GHR: variants seen among roughly 807,000 people sequenced by gnomAD.
GHR encodes growth hormone receptor.
GHR carries 35 observed loss-of-function variants against 67.1 expected under a neutral mutation model. The observed-to-expected ratio is 0.52, with a 90% confidence interval of 0.40 to 0.69. GHR has a LOEUF of 0.69. Among genes scored for constraint, GHR ranks in the 30% least tolerant of loss-of-function variants. The pLI is 0.00. For missense variants in GHR, 792 were observed against 764.6 expected, an observed-to-expected ratio of 1.04 and a Z score of -0.42; for synonymous variants, 272 against 269.1, an observed-to-expected ratio of 1.01 and a Z score of -0.10.
intron 2 of GHR, among the ~76,000 whole-genome samples, chr5:42,589,264 C>T (rs918641942): frequency 1.1e-4 from 17 of 152,144 alleles, no homozygotes; most frequent in Non-Finnish European, 1.9e-4. Flanking sequence ...ATTTATTGTT[C>T]CGTTTATGCT....
rs143888809 is a variant in GHR at position 42,686,351 on chromosome 5, A to AGT, written c.137-2538_137-2537dup. Among the ~76,000 whole-genome samples, 3 of 46,408 alleles carry AGT rather than the reference A, an allele frequency of 6.5e-5. No individual in the cohort carries two copies. In the Admixed American group the frequency reaches 8.1e-4, roughly 13 times the overall value. 30.4% of individuals were successfully genotyped at this position (46,408 alleles called of 152,430 possible). A position where few individuals can be genotyped will look rare whatever the true frequency, so the allele number is the denominator to read the frequency against. ...GCTGTCTTTGTTACTGTAGCCTTGT[A>AGT]GTATGAAGTCAGAGACACAATAAAA... is the stretch of plus-strand genomic sequence containing the variant. On this transcript the variant is annotated intron_variant, in intron 3 of 9. Transcript: ENST00000230882.
In GHR at chr5:42,555,538, G is replaced by A. The variant is rs1454549549; in HGVS notation, c.-11-10326G>A. Among the ~76,000 whole-genome samples the A allele has an allele frequency of 1.1e-4, 16 of 152,264 alleles. No homozygotes were observed. The South Asian group carries it at 1.2e-3, about 12-fold the overall frequency. On this transcript the variant is annotated intron_variant, in intron 1 of 9. Transcript: ENST00000230882. ...GCCTTGGAAAGATCAAGCACAGTTC[G>A]AAACCCTACCCAGAATTATTCTGTC...
At chr5:42,628,086 A>T (rs546906024) in intron 2 of GHR, among the ~76,000 whole-genome samples, 1 of 152,222 alleles carries the variant, frequency 6.6e-6, no homozygotes, top group South Asian at 2.1e-4. Context: ...CTCAGCGTCC[A>T]GATGTTCCTC....
At chr5:42,596,918 C>A (rs1258510281) in intron 2 of GHR, among the ~76,000 whole-genome samples, 1 of 152,160 alleles carries the variant, frequency 6.6e-6, no homozygotes. Flanking sequence ...CTGCTAGTAA[C>A]CTGTTCTACT....
intron 1 of GHR, among the ~76,000 whole-genome samples, chr5:42,528,260 G>T (rs1747797483): frequency 6.6e-6 from 1 of 152,056 alleles, no homozygotes; most frequent in Non-Finnish European, 1.5e-5. Flanking sequence ...CTTATGGAAA[G>T]GATTTACCAT....
At chr5:42,465,918 G>A in intron 1 of GHR, 4 of 706,484 alleles carry the variant, frequency 5.7e-6, no homozygotes, top group Non-Finnish European at 1.0e-5. Context: ...CGTTCACAAG[G>A]TGGTCTCCTT....
intron 1 of GHR, among the ~76,000 whole-genome samples, chr5:42,437,111 G>A (rs1477448670): frequency 6.6e-6 from 1 of 152,180 alleles, no homozygotes; most frequent in Non-Finnish European, 1.5e-5. Flanking sequence ...AAGATATGAG[G>A]AGGCAATCAT....
chr5:42,436,805 C>T (rs948773986), intron 1 of GHR, among the ~76,000 whole-genome samples: 1 of 152,026 alleles, frequency 6.6e-6, no homozygotes, highest in Non-Finnish European at 1.5e-5. Flanking sequence ...TTTTGAGTGG[C>T]CCAACTGAAA....
At chr5:42,685,142 G>A (rs1757076639) in intron 3 of GHR, among the ~76,000 whole-genome samples, 1 of 152,006 alleles carries the variant, frequency 6.6e-6, no homozygotes, top group African/African-American at 2.4e-5. Context: ...CCCTCCCTGT[G>A]TATGTGTGTT....
intron 3 of GHR, among the ~76,000 whole-genome samples, chr5:42,655,291 A>G (rs1755200194): frequency 6.6e-6 from 1 of 152,112 alleles, no homozygotes; most frequent in Non-Finnish European, 1.5e-5. Flanking sequence ...TAACAGAGCA[A>G]TTATTTCAGG....
chr5:42,540,942 T>TG (rs1459272283), intron 1 of GHR, among the ~76,000 whole-genome samples: 1 of 113,718 alleles, frequency 8.8e-6, no homozygotes, highest in Non-Finnish European at 2.0e-5. Flanking sequence ...GTATTTTCCT[T>TG]GTTTTTTTTT....
intron 1 of GHR, among the ~76,000 whole-genome samples, chr5:42,437,058 T>C (rs1406810706): frequency 6.6e-6 from 1 of 152,218 alleles, no homozygotes; most frequent in Non-Finnish European, 1.5e-5. Context: ...ACAATCTATG[T>C]AAAACACAAA....
At chr5:42,581,353 G>A (rs2112557693) in intron 2 of GHR, among the ~76,000 whole-genome samples, 1 of 152,322 alleles carries the variant, frequency 6.6e-6, no homozygotes, top group East Asian at 1.9e-4. Context: ...GGTTAAGAGA[G>A]ATTGTGTCTG....
At chr5:42,661,443 C>T (rs566693274) in intron 3 of GHR, among the ~76,000 whole-genome samples, 23 of 152,112 alleles carry the variant, frequency 1.5e-4, no homozygotes, top group Admixed American at 5.2e-4. Flanking sequence ...GAGTGGGGGC[C>T]AATATTCAAC....
chr5:42,639,444 C>T (rs1339216438), intron 3 of GHR, among the ~76,000 whole-genome samples: 1 of 152,110 alleles, frequency 6.6e-6, no homozygotes, highest in Non-Finnish European at 1.5e-5. Context: ...CGCAGGTTAT[C>T]TTTTTATTTT....
chr5:42,445,007 G>A (rs781589622), intron 1 of GHR, among the ~76,000 whole-genome samples: 9 of 152,186 alleles, frequency 5.9e-5, no homozygotes, highest in Non-Finnish European at 1.0e-4. Flanking sequence ...TATCTTGCAG[G>A]TGGGCAGTCC....
At chr5:42,474,263 G>GAAAGAAAA (rs1323764166) in intron 1 of GHR, among the ~76,000 whole-genome samples, 3 of 105,482 alleles carry the variant, frequency 2.8e-5, no homozygotes, top group African/African-American at 1.2e-4. Flanking sequence ...CAGACAGAAA[G>GAAAGAAAA]AAAGAAAGAA....
At chr5:42,655,237 G>T (rs1025135442) in intron 3 of GHR, among the ~76,000 whole-genome samples, 7 of 151,924 alleles carry the variant, frequency 4.6e-5, no homozygotes, top group Non-Finnish European at 7.4e-5. Context: ...TTTCTTTGAC[G>T]GGCAGATGCT....
intron 1 of GHR, among the ~76,000 whole-genome samples, chr5:42,535,885 T>C (rs1748233476): frequency 6.6e-6 from 1 of 152,168 alleles, no homozygotes; most frequent in Non-Finnish European, 1.5e-5. Context: ...TTTTGTTAAG[T>C]ATATTCCTAA....
Sources: allele counts gnomAD v4.1 joint callset (sites outside exome capture counted in the v4.1 genomes callset), GRCh38; gene constraint gnomAD v4.1.1; transcripts MANE v1.5; gene names NCBI Gene and HGNC (gene_info 2026-07-23, HGNC 2026-07-21).